MAPK10: variants seen among roughly 807,000 people sequenced by gnomAD.
The protein encoded by MAPK10 is mitogen-activated protein kinase 10.
Under a neutral mutation model 59.3 loss-of-function variants are expected in MAPK10, and 25 were observed. The ratio of observed to expected loss-of-function variants is 0.42; its 90% confidence interval spans 0.31 to 0.59. MAPK10 has a LOEUF of 0.59. Ranked by LOEUF, MAPK10 falls within the 20% of genes least tolerant of loss-of-function variation. MAPK10 has a pLI of 0.15. For synonymous variants in MAPK10, 190 were observed against 200.5 expected (o/e 0.95, Z 0.44); for missense variants, 351 against 568.9 (o/e 0.62, Z 3.90).
chr4:86,286,589 A>G (rs1445403895), intron 2 of MAPK10, among the ~76,000 whole-genome samples: 1 of 152,198 alleles, frequency 6.6e-6, no homozygotes, highest in East Asian at 1.9e-4. Flanking sequence ...GAGAGAAGTG[A>G]GGAAACTTGT....
At chr4:86,366,569 C>T (rs1737933472) in intron 1 of MAPK10, among the ~76,000 whole-genome samples, 1 of 152,024 alleles carries the variant, frequency 6.6e-6, no homozygotes, top group African/African-American at 2.4e-5. Context: ...CCAGAGTCAC[C>T]AGGATGTTAA....
At chr4:86,455,873 T>G (rs952175414), upstream of MAPK10, among the ~76,000 whole-genome samples, 1 of 152,132 alleles carries the variant, frequency 6.6e-6, no homozygotes, top group African/African-American at 2.4e-5. Context: ...CAACAACACA[T>G]GGAACTTTCT....
At chr4:86,070,383 TTTTTTC>T (rs1270478854) in intron 9 of MAPK10, among the ~76,000 whole-genome samples, 4 of 152,112 alleles carry the variant, frequency 2.6e-5, no homozygotes, top group African/African-American at 9.7e-5. Context: ...GGCTTTATTT[TTTTTTC>T]TTTTTCTTTT....
intron 1 of MAPK10, among the ~76,000 whole-genome samples, chr4:86,549,143 T>G (rs1398156603): frequency 6.6e-6 from 1 of 152,150 alleles, no homozygotes; most frequent in African/African-American, 2.4e-5. Flanking sequence ...AAATAAAAAC[T>G]GTAATTTTAA....
intron 4 of MAPK10, chr4:86,125,899 C>T (rs934097327): frequency 1.3e-5 from 2 of 152,074 alleles, no homozygotes; most frequent in Non-Finnish European, 2.9e-5. Flanking sequence ...GACCTAAAGA[C>T]ATTAAGATGG....
At chr4:86,292,902 G>A (rs1310096111) in intron 2 of MAPK10, among the ~76,000 whole-genome samples, 1 of 152,100 alleles carries the variant, frequency 6.6e-6, no homozygotes, top group African/African-American at 2.4e-5. Flanking sequence ...TATTGTTTCC[G>A]TGTCCAGGCC....
At chr4:86,334,593 C>A (rs1719923651) in intron 2 of MAPK10, among the ~76,000 whole-genome samples, 2 of 152,040 alleles carry the variant, frequency 1.3e-5, no homozygotes, top group African/African-American at 2.4e-5. Context: ...AAATCTCTGT[C>A]CCCACTGGAC....
intron 8 of MAPK10, 56 bp downstream of exon 8, chr4:86,100,996 C>T: frequency 1.3e-6 from 2 of 1,495,070 alleles, no homozygotes; most frequent in Non-Finnish European, 1.9e-6. Context: ...TGGCTATCTA[C>T]AACGTGCACC....
intron 1 of MAPK10, chr4:86,370,739 A>T (rs1019618162): frequency 6.6e-6 from 1 of 152,206 alleles, no homozygotes; most frequent in Admixed American, 6.5e-5. Flanking sequence ...AGTCAAATAA[A>T]AATGGAAACC....
At chr4:86,333,654 A>G (rs1029923751) in intron 2 of MAPK10, among the ~76,000 whole-genome samples, 1 of 152,222 alleles carries the variant, frequency 6.6e-6, no homozygotes, top group Admixed American at 6.5e-5. Flanking sequence ...TAGAATATAC[A>G]GAAAAAGCCC....
At chr4:86,304,746 AC>A (rs1357535974) in intron 2 of MAPK10, among the ~76,000 whole-genome samples, 7 of 151,992 alleles carry the variant, frequency 4.6e-5, no homozygotes, top group East Asian at 1.9e-4. Flanking sequence ...GACTGTAAAA[AC>A]GTCTCCATTT....
At chr4:86,563,096 A>G (rs936641888) in intron 1 of MAPK10, among the ~76,000 whole-genome samples, 2 of 152,350 alleles carry the variant, frequency 1.3e-5, no homozygotes, top group Admixed American at 1.3e-4. Flanking sequence ...TATATTGAGC[A>G]CTTAGTAAAT....
At chr4:86,522,317 T>C (rs1757169508) in intron 1 of MAPK10, among the ~76,000 whole-genome samples, 1 of 152,222 alleles carries the variant, frequency 6.6e-6, no homozygotes, top group Admixed American at 6.5e-5. Flanking sequence ...TAAAACATAA[T>C]ACTGTTTGCC....
rs1052682484 is a variant in MAPK10 at position 86,489,594 on chromosome 4, T to C, written c.-263+104316A>G. On this transcript the variant is annotated intron_variant, in intron 1 of 4. Transcript: ENST00000502302. ...TTCACTTGTGCAGCATTCTAACCGATACCAAAAAGGAAAAGGATTTCTCCT... is the reference window on the plus strand; with the variant it reads ...TTCACTTGTGCAGCATTCTAACCGACACCAAAAAGGAAAAGGATTTCTCCT... Among the ~76,000 whole-genome samples, 3 of 152,296 alleles carry C rather than the reference T, an allele frequency of 2.0e-5. No individual in the cohort carries two copies. The East Asian group carries it at 5.8e-4, about 29-fold the overall frequency.
At chr4:86,393,836 C>G (rs534528617) in intron 1 of MAPK10, among the ~76,000 whole-genome samples, 1 of 152,178 alleles carries the variant, frequency 6.6e-6, no homozygotes, top group Non-Finnish European at 1.5e-5. Flanking sequence ...CCTTGAGTGT[C>G]TTCTTCACCT....
chr4:86,183,161 TA>T (rs1040167802), intron 3 of MAPK10, among the ~76,000 whole-genome samples: 15 of 152,252 alleles, frequency 9.9e-5, no homozygotes, highest in African/African-American at 3.4e-4. Context: ...TATTATACTT[TA>T]AGTTTTAGGG....
chr4:86,208,067 A>T (rs2084653718), intron 2 of MAPK10, among the ~76,000 whole-genome samples: 1 of 152,140 alleles, frequency 6.6e-6, no homozygotes, highest in African/African-American at 2.4e-5. Context: ...GAATAGACCA[A>T]TAACAGGATC....
chr4:86,437,868 A>G (rs1748951593), intron 1 of MAPK10, among the ~76,000 whole-genome samples: 1 of 152,208 alleles, frequency 6.6e-6, no homozygotes, highest in South Asian at 2.1e-4. Context: ...AAAATGCATA[A>G]ATAAACTGTA....
chr4:86,034,159 T>C (rs1020833615), intron 11 of MAPK10, among the ~76,000 whole-genome samples: 42 of 152,250 alleles, frequency 2.8e-4, no homozygotes, highest in Admixed American at 7.2e-4. Context: ...ATGTGAGAAA[T>C]GAAGGATAAG....
Sources: allele counts gnomAD v4.1 joint callset (sites outside exome capture counted in the v4.1 genomes callset), GRCh38; gene constraint gnomAD v4.1.1; transcripts MANE v1.5; gene names NCBI Gene and HGNC (gene_info 2026-07-23, HGNC 2026-07-21).